PDE3B: variants seen among roughly 807,000 people sequenced by gnomAD.
PDE3B encodes the protein phosphodiesterase 3B.
PDE3B carries 66 observed loss-of-function variants against 116.8 expected under a neutral mutation model. That is an observed-to-expected ratio of 0.56 (90% CI 0.46 to 0.69). PDE3B has a LOEUF of 0.69. PDE3B is among the 30% of genes least tolerant of loss of function. PDE3B has a pLI of 0.00. For synonymous variants in PDE3B, 595 were observed against 533.6 expected (o/e 1.12, Z -1.59); for missense variants, 1,384 against 1,368.1 (o/e 1.01, Z -0.18).
At chr11:14,880,800 C>A in the PDE3B span, 1 of 1,574,140 alleles carries the variant, frequency 6.4e-7, no homozygotes, top group Non-Finnish European at 8.6e-7. Context: ...TTGTATAATT[C>A]CTACTTCTCT....
At chr11:14,680,699 T>C (rs1256944523) in intron 1 of PDE3B, among the ~76,000 whole-genome samples, 1 of 152,176 alleles carries the variant, frequency 6.6e-6, no homozygotes, top group Non-Finnish European at 1.5e-5. Flanking sequence ...TAAGTACTTT[T>C]CAAGTTCATG....
At chr11:14,652,215 A>G (rs1476030821) in intron 1 of PDE3B, among the ~76,000 whole-genome samples, 1 of 152,140 alleles carries the variant, frequency 6.6e-6, no homozygotes, top group East Asian at 1.9e-4. Flanking sequence ...ACATTTTTCT[A>G]AGACCATTTG....
chr11:14,894,041 C>T, the PDE3B span, among the ~76,000 whole-genome samples: 1 of 152,114 alleles, frequency 6.6e-6, no homozygotes, highest in African/African-American at 2.4e-5. Context: ...AAGGACACTG[C>T]GGAAGTCAGC....
intron 1 of PDE3B, among the ~76,000 whole-genome samples, chr11:14,722,413 T>TA (rs1224826528): frequency 2.0e-5 from 3 of 151,818 alleles, no homozygotes; most frequent in Non-Finnish European, 2.9e-5. Context: ...ATAAATCCAA[T>TA]AAAAAAATAA....
At chr11:14,674,374 C>T (rs1854467929) in intron 1 of PDE3B, 2 of 725,522 alleles carry the variant, frequency 2.8e-6, no homozygotes, top group African/African-American at 1.8e-5. Flanking sequence ...TTTGAGTACT[C>T]TGCTCTCTGG....
intron 1 of PDE3B, among the ~76,000 whole-genome samples, chr11:14,660,941 A>G (rs988381742): frequency 2.0e-5 from 3 of 152,232 alleles, no homozygotes; most frequent in Non-Finnish European, 4.4e-5. Context: ...ACTGGCCATC[A>G]GAGAAATGCA....
At chr11:14,774,013 G>C (rs941443240) in intron 2 of PDE3B, 1 of 151,266 alleles carries the variant, frequency 6.6e-6, no homozygotes, top group African/African-American at 2.5e-5. Context: ...CTGTTTTCTG[G>C]CCTCTTTTGT....
the PDE3B span, among the ~76,000 whole-genome samples, chr11:14,890,243 A>G: frequency 2.6e-5 from 4 of 151,754 alleles, no homozygotes; most frequent in African/African-American, 7.3e-5. Flanking sequence ...CTCAGAATAG[A>G]GGTCAAGTTT....
intron 1 of PDE3B, among the ~76,000 whole-genome samples, chr11:14,664,821 C>T (rs1392887559): frequency 4.6e-5 from 7 of 152,100 alleles, no homozygotes; most frequent in Non-Finnish European, 7.3e-5. Flanking sequence ...GATTCACAGC[C>T]GAATTATACC....
intron 7 of PDE3B, among the ~76,000 whole-genome samples, chr11:14,824,921 C>G (rs982347356): frequency 6.6e-6 from 1 of 151,886 alleles, no homozygotes; most frequent in African/African-American, 2.4e-5. Context: ...ATCAGGCTAA[C>G]AGTGGACATC....
chr11:14,749,215 C>T (rs1856993122), intron 1 of PDE3B, among the ~76,000 whole-genome samples: 1 of 151,444 alleles, frequency 6.6e-6, no homozygotes. Flanking sequence ...TTGTATAAAA[C>T]TTTTTTTTTA....
intron 1 of PDE3B, among the ~76,000 whole-genome samples, chr11:14,741,347 A>G (rs553197692): frequency 1.3e-5 from 2 of 152,162 alleles, no homozygotes; most frequent in African/African-American, 2.4e-5. Flanking sequence ...TCTGTTTACC[A>G]TTATGTAATG....
chr11:14,845,258 A>G lies in PDE3B; in HGVS notation c.2520+1232A>G, dbSNP rs1444814118. On this transcript the variant is annotated intron_variant, in intron 12 of 15. Transcript: ENST00000282096. ...TGGAGTGCACCTCTAGCAAACTCCA[A>G]CAGACCTGCAGCTGAGGGTCCTGTC... 5.3e-5 allele frequency among the ~76,000 whole-genome samples: 8 copies of G among 152,260 alleles called. 1 individual carries two copies. The South Asian group carries it at 6.2e-4, about 12-fold the overall frequency.
intron 1 of PDE3B, among the ~76,000 whole-genome samples, chr11:14,730,554 A>G (rs766421766): frequency 7.9e-5 from 12 of 152,258 alleles, no homozygotes; most frequent in Admixed American, 3.3e-4. Context: ...TGGACACATG[A>G]TATTACTCTG....
the PDE3B span, chr11:14,890,629 C>T: frequency 4.9e-6 from 1 of 205,716 alleles, no homozygotes; most frequent in South Asian, 1.8e-4. Context: ...TCACTGAAAG[C>T]TCCGCCTCCC....
intron 1 of PDE3B, among the ~76,000 whole-genome samples, chr11:14,755,531 T>G (rs1358633792): frequency 6.6e-6 from 1 of 152,186 alleles, no homozygotes; most frequent in African/African-American, 2.4e-5. Context: ...CTTGTCTGCG[T>G]GAAAAGACAT....
intron 2 of PDE3B, chr11:14,775,529 T>A (rs988030938): frequency 6.6e-6 from 1 of 152,174 alleles, no homozygotes; most frequent in African/African-American, 2.4e-5. Flanking sequence ...CCATTTTGTC[T>A]GTATATATAA....
At chr11:14,782,776 A>G (rs535522611) in intron 2 of PDE3B, among the ~76,000 whole-genome samples, 2 of 152,332 alleles carry the variant, frequency 1.3e-5, no homozygotes, top group Admixed American at 1.3e-4. Flanking sequence ...TAATTAAACT[A>G]AAGAGCTTCT....
At chr11:14,815,663 TC>T (rs1859301752) in intron 5 of PDE3B, among the ~76,000 whole-genome samples, 1 of 152,154 alleles carries the variant, frequency 6.6e-6, no homozygotes. Flanking sequence ...CTGTCATCTT[TC>T]TTTTGATAAG....
Sources: gnomAD v4.1 joint callset for allele counts (sites outside exome capture counted in the v4.1 genomes callset) on GRCh38, gnomAD v4.1.1 for gene constraint, MANE v1.5 for transcripts, NCBI Gene and HGNC (gene_info 2026-07-23, HGNC 2026-07-21) for gene names.